PSAT1: variants seen among roughly 807,000 people sequenced by gnomAD.
PSAT1 encodes the protein phosphoserine aminotransferase 1.
PSAT1 carries 41 observed loss-of-function variants against 40.3 expected under a neutral mutation model. That is an observed-to-expected ratio of 1.02 (90% CI 0.79 to 1.32). PSAT1 has a LOEUF of 1.32. Among genes scored for constraint, PSAT1 ranks in the 40% most tolerant of loss-of-function variants. PSAT1 has a pLI of 0.00. For synonymous variants in PSAT1, 147 were observed against 170.5 expected, an observed-to-expected ratio of 0.86 and a Z score of 1.07; for missense variants, 406 against 455.8, an observed-to-expected ratio of 0.89 and a Z score of 0.99.
chr9:78,317,572 G>A (rs1828365410), intron 6 of PSAT1, 104 bp from the exon 7 acceptor site: 2 of 1,302,522 alleles, frequency 1.5e-6, no homozygotes, highest in Non-Finnish European at 2.2e-6. Flanking sequence ...TTCAAATAAT[G>A]TGTTTAAGTC....
chr9:78,326,518 T>C (rs2118709483), intron 7 of PSAT1, among the ~76,000 whole-genome samples: 1 of 152,278 alleles, frequency 6.6e-6, no homozygotes, highest in South Asian at 2.1e-4. Context: ...AATAAAAAGA[T>C]GAATTTATTC....
At chr9:78,311,431 C>CACAGCCTGTCCT (rs1188091874) in intron 6 of PSAT1, among the ~76,000 whole-genome samples, 4 of 152,088 alleles carry the variant, frequency 2.6e-5, no homozygotes, top group African/African-American at 9.7e-5. Context: ...TGAACTGTCC[C>CACAGCCTGTCCT]ACAGCCTGTA....
chr9:78,321,170 T>TCTGAA, intron 7 of PSAT1, among the ~76,000 whole-genome samples: 1 of 152,280 alleles, frequency 6.6e-6, no homozygotes, highest in African/African-American at 2.4e-5. Flanking sequence ...TTCACTCATT[T>TCTGAA]CTGAACTGCC....
intron 7 of PSAT1, 115 bp from the exon 8 acceptor site, chr9:78,327,936 T>C: frequency 8.4e-7 from 1 of 1,191,400 alleles, no homozygotes; most frequent in African/African-American, 1.6e-5. Flanking sequence ...TTTTTGTTTT[T>C]TAAAAAATCT....
chr9:78,321,053 C>A (rs1828422676), intron 7 of PSAT1, among the ~76,000 whole-genome samples: 1 of 152,154 alleles, frequency 6.6e-6, no homozygotes, highest in African/African-American at 2.4e-5. Flanking sequence ...AAGCACTAAA[C>A]CTGGGCCTCT....
At chr9:78,323,611 A>G (rs1449328965) in intron 7 of PSAT1, among the ~76,000 whole-genome samples, 1 of 152,230 alleles carries the variant, frequency 6.6e-6, no homozygotes, top group Non-Finnish European at 1.5e-5. Context: ...TACAAGAGTT[A>G]TATATACATA....
chr9:78,327,045 T>A (rs1312271039), intron 7 of PSAT1, among the ~76,000 whole-genome samples: 1 of 146,472 alleles, frequency 6.8e-6, no homozygotes. Flanking sequence ...AATCTCCACC[T>A]CCCGAGTTCA....
intron 7 of PSAT1, among the ~76,000 whole-genome samples, chr9:78,321,500 A>G (rs187595743): frequency 1.1e-3 from 174 of 151,878 alleles, no homozygotes; most frequent in African/African-American, 3.8e-3. Flanking sequence ...ATTTACCACC[A>G]CCTTTGCTCC....
rs189310401 is a variant in PSAT1 at position 78,317,802 on chromosome 9, C to T, written c.867C>T (p.Tyr289=). The change falls in exon 7 of 9, where the codon TAC becomes TAT. Residue 289 remains tyrosine (Y), a splice_region_variant and synonymous_variant. Transcript: ENST00000376588. The stretch of plus-strand genomic sequence containing the variant: ...TTATTGATAATTCTCAAGGATTCTA[C>T]GTGTAAGTCAATGGATTTTATCTCC... ...YEIIDNSQGF[Y]VCPVEPQNRS... The T allele has an allele frequency of 3.3e-5, 54 of 1,612,232 alleles. No individual in the cohort carries two copies. Among genetic ancestry groups the T allele is most frequent in the East Asian group, 8.9e-5 (4 of 44,872 alleles).
chr9:78,311,630 G>A (rs1477332004), intron 6 of PSAT1, among the ~76,000 whole-genome samples: 3 of 151,932 alleles, frequency 2.0e-5, no homozygotes, highest in African/African-American at 4.8e-5. Context: ...TCAGGAAATC[G>A]AGACCAGCCA....
intron 6 of PSAT1, among the ~76,000 whole-genome samples, chr9:78,314,155 GT>G (rs934591297): frequency 6.6e-6 from 1 of 152,058 alleles, no homozygotes; most frequent in African/African-American, 2.4e-5. Context: ...GAGCCCTTGT[GT>G]TTTCAAGATT....
chr9:78,307,715 G>A (rs1320622125), intron 5 of PSAT1, among the ~76,000 whole-genome samples: 1 of 151,992 alleles, frequency 6.6e-6, no homozygotes, highest in East Asian at 1.9e-4. Flanking sequence ...AGCACCTTCT[G>A]ACTGTTCTTT....
rs1222511325 is a variant in PSAT1 at position 78,297,135 on chromosome 9, A to G, written c.-76A>G. ...GGTTCGGGGCCGGCTGCAGACTCTC[A>G]CCGCAGCGGCCAGGAACGCCAGCCG... is the stretch of plus-strand genomic sequence containing the variant. On this transcript the variant is annotated 5_prime_UTR_variant, in exon 1 of 9. Transcript: ENST00000376588. 2 of 1,459,060 alleles carry G rather than the reference A, an allele frequency of 1.4e-6. No homozygotes were observed. Among genetic ancestry groups the G allele is most frequent in the African/African-American group, 1.4e-5 (1 of 71,522 alleles). The allele number at this position is 1,459,060 out of a possible 1,614,324, so 90.4% of individuals were successfully genotyped here.
intron 7 of PSAT1, among the ~76,000 whole-genome samples, chr9:78,326,955 A>ATATATATTTTTTTTTTTT: frequency 1.4e-4 from 11 of 75,930 alleles, no homozygotes; most frequent in African/African-American, 8.5e-4. Flanking sequence ...ATATATATAT[A>ATATATATTTTTTTTTTTT]TTTTTTTTTT....
chr9:78,308,710 A>G, intron 6 of PSAT1, 127 bp downstream of exon 6: 2 of 1,131,818 alleles, frequency 1.8e-6, no homozygotes, highest in Non-Finnish European at 1.2e-6. Flanking sequence ...AATCTTAGCA[A>G]TTTGGGAGGC....
intron 6 of PSAT1, among the ~76,000 whole-genome samples, chr9:78,314,318 GT>G (rs1442597543): frequency 5.7e-4 from 72 of 126,046 alleles, no homozygotes; most frequent in South Asian, 6.3e-4. Context: ...GTTAAGTAGA[GT>G]CACAGGGGCT....
chr9:78,316,461 T>A (rs1440657158), intron 6 of PSAT1, among the ~76,000 whole-genome samples: 2 of 152,132 alleles, frequency 1.3e-5, no homozygotes, highest in Admixed American at 1.3e-4. Context: ...TCATCTCCTG[T>A]CTCACAGTTG....
chr9:78,320,355 T>C (rs571889763), intron 7 of PSAT1, among the ~76,000 whole-genome samples: 1 of 146,584 alleles, frequency 6.8e-6, no homozygotes, highest in Non-Finnish European at 1.5e-5. Context: ...CATCCATCCA[T>C]CCATCTGCCC....
At chr9:78,300,488 G>A (rs1564011992) in intron 1 of PSAT1, 114 bp from the exon 2 acceptor site, 7 of 1,341,918 alleles carry the variant, frequency 5.2e-6, no homozygotes, top group Admixed American at 3.3e-5. Context: ...GGGGATGGAA[G>A]CCTGGGGACC....
Sources: gnomAD v4.1 joint callset for allele counts (sites outside exome capture counted in the v4.1 genomes callset) on GRCh38, gnomAD v4.1.1 for gene constraint, MANE v1.5 for transcripts, NCBI Gene and HGNC (gene_info 2026-07-23, HGNC 2026-07-21) for gene names.